Variants in WWOX observed in about 807,000 individuals in gnomAD.
The protein encoded by WWOX is WW domain containing oxidoreductase.
In WWOX, 69 loss-of-function variants were observed where a neutral mutation model predicts 46.2. The ratio of observed to expected loss-of-function variants is 1.49; its 90% confidence interval spans 1.23 to 1.82. The LOEUF (loss-of-function observed/expected upper bound fraction) is 1.82. Among genes scored for constraint, WWOX ranks in the 40% most tolerant of loss-of-function variants. The pLI, the probability that WWOX is intolerant of heterozygous loss-of-function variation, is 0.00. For synonymous variants in WWOX, 359 were observed against 202.6 expected (o/e 1.77, Z -6.56); for missense variants, 919 against 542.6 (o/e 1.69, Z -6.89).
At chr16:79,112,046 G>T (rs995482078) in intron 8 of WWOX, among the ~76,000 whole-genome samples, 1 of 152,058 alleles carries the variant, frequency 6.6e-6, no homozygotes, top group Non-Finnish European at 1.5e-5. Flanking sequence ...ATACCTCAAT[G>T]TCCAGACTTG....
chr16:79,111,674 A>G (rs2049419202), intron 8 of WWOX, among the ~76,000 whole-genome samples: 1 of 152,222 alleles, frequency 6.6e-6, no homozygotes, highest in Non-Finnish European at 1.5e-5. Flanking sequence ...TCTGGAGGCA[A>G]ATCAGCATGG....
At chr16:79,030,869 G>A (rs950882180) in intron 8 of WWOX, among the ~76,000 whole-genome samples, 6 of 152,038 alleles carry the variant, frequency 3.9e-5, no homozygotes, top group Non-Finnish European at 7.4e-5. Context: ...GATCGCTTGA[G>A]CCCAGGAGCT....
intron 6 of WWOX, among the ~76,000 whole-genome samples, chr16:78,403,074 AG>A (rs1885599184): frequency 6.6e-6 from 1 of 152,254 alleles, no homozygotes; most frequent in African/African-American, 2.4e-5. Context: ...ACTCTATTAC[AG>A]CTCCATATAT....
intron 8 of WWOX, among the ~76,000 whole-genome samples, chr16:78,578,404 C>T (rs1467056039): frequency 6.7e-6 from 1 of 148,314 alleles, no homozygotes; most frequent in Non-Finnish European, 1.5e-5. Flanking sequence ...ATTCTCCTGC[C>T]TCAGCCTCCT....
At chr16:78,383,733 A>G (rs1054656680) in intron 5 of WWOX, among the ~76,000 whole-genome samples, 3 of 152,174 alleles carry the variant, frequency 2.0e-5, no homozygotes, top group Non-Finnish European at 2.9e-5. Flanking sequence ...TATTGCCTCC[A>G]GTTTCTCTCC....
At chr16:78,261,778 ATCTATC>A (rs1405592462) in intron 5 of WWOX, among the ~76,000 whole-genome samples, 648 of 43,692 alleles carry the variant, frequency 0.015, 6 homozygotes, top group African/African-American at 0.069. Flanking sequence ...CTATGTATCT[ATCTATC>A]TATCTATATA....
chr16:78,886,180 C>G (rs2044453341), intron 8 of WWOX, among the ~76,000 whole-genome samples: 1 of 151,314 alleles, frequency 6.6e-6, no homozygotes, highest in Non-Finnish European at 1.5e-5. Context: ...CCTCCTCGGC[C>G]TCCCAAAGTG....
At chr16:79,044,098 G>A (rs1047967864) in intron 8 of WWOX, among the ~76,000 whole-genome samples, 1 of 152,192 alleles carries the variant, frequency 6.6e-6, no homozygotes, top group Admixed American at 6.5e-5. Context: ...AGCTCCCAAA[G>A]GGAGACTGAA....
At chr16:79,105,583 C>T (rs2049291630) in intron 8 of WWOX, among the ~76,000 whole-genome samples, 1 of 151,876 alleles carries the variant, frequency 6.6e-6, no homozygotes, top group Admixed American at 6.6e-5. Context: ...TAAAAAAAGT[C>T]ACAGAAACAA....
intron 8 of WWOX, among the ~76,000 whole-genome samples, chr16:79,131,566 C>T (rs1010259444): frequency 3.9e-5 from 6 of 152,164 alleles, no homozygotes; most frequent in Non-Finnish European, 7.3e-5. Context: ...AGTAAATCAA[C>T]TCTTGAATGA....
At chr16:78,872,868 G>C (rs1427810605) in intron 8 of WWOX, 1 of 152,294 alleles carries the variant, frequency 6.6e-6, no homozygotes, top group African/African-American at 2.4e-5. Context: ...TGTGATCTCA[G>C]CTCAGTGCAG....
intron 8 of WWOX, among the ~76,000 whole-genome samples, chr16:79,058,589 A>C (rs2048307271): frequency 6.6e-6 from 1 of 152,172 alleles, no homozygotes; most frequent in Non-Finnish European, 1.5e-5. Flanking sequence ...GGTGAATGAA[A>C]ATAACTTGAC....
chr16:79,033,434 G>T (rs1367388837), intron 8 of WWOX, among the ~76,000 whole-genome samples: 1 of 150,212 alleles, frequency 6.7e-6, no homozygotes, highest in East Asian at 2.0e-4. Context: ...TGGTGTAGAT[G>T]TACCACATTT....
chr16:79,199,214 C>A (rs933397308), intron 8 of WWOX, among the ~76,000 whole-genome samples: 6 of 152,182 alleles, frequency 3.9e-5, no homozygotes, highest in African/African-American at 1.4e-4. Flanking sequence ...AGGTGTGCGC[C>A]ACCACGCCTG....
intron 5 of WWOX, among the ~76,000 whole-genome samples, chr16:78,204,515 A>T (rs974830015): frequency 3.3e-5 from 5 of 151,856 alleles, no homozygotes; most frequent in African/African-American, 1.2e-4. Flanking sequence ...TATTCCTTGT[A>T]TTTTTTTGTA....
chr16:78,109,095 C>T (rs1300323739), intron 2 of WWOX, among the ~76,000 whole-genome samples: 1 of 152,144 alleles, frequency 6.6e-6, no homozygotes, highest in Non-Finnish European at 1.5e-5. Context: ...TTGTTCTTGG[C>T]TATACTATGG....
intron 5 of WWOX, among the ~76,000 whole-genome samples, chr16:78,363,951 A>G (rs1394679387): frequency 6.6e-6 from 1 of 152,118 alleles, no homozygotes; most frequent in Non-Finnish European, 1.5e-5. Context: ...AATGCCTGTC[A>G]CTCTTGCTGA....
intron 8 of WWOX, among the ~76,000 whole-genome samples, chr16:78,550,494 G>A (rs1597251769): frequency 1.3e-5 from 2 of 152,346 alleles, no homozygotes; most frequent in East Asian, 1.9e-4. Context: ...CTCTGGTCAA[G>A]AGCACTTGTT....
chr16:78,760,534 C>G (rs1389414674), intron 8 of WWOX, among the ~76,000 whole-genome samples: 1 of 152,202 alleles, frequency 6.6e-6, no homozygotes, highest in Non-Finnish European at 1.5e-5. Flanking sequence ...CAAACCTAAG[C>G]TTATTCCCAA....
Sources: allele counts gnomAD v4.1 joint callset (sites outside exome capture counted in the v4.1 genomes callset), GRCh38; gene constraint gnomAD v4.1.1; transcripts MANE v1.5; gene names NCBI Gene and HGNC (gene_info 2026-07-23, HGNC 2026-07-21).